Variants in SRRM4 observed in about 807,000 individuals in gnomAD.
SRRM4 encodes serine/arginine repetitive matrix 4.
A neutral mutation model predicts 68.9 loss-of-function variants in SRRM4; 33 were observed. That is an observed-to-expected ratio of 0.48 (90% CI 0.36 to 0.64). SRRM4 has a LOEUF of 0.64. Among genes scored for constraint, SRRM4 ranks in the 30% least tolerant of loss-of-function variants. The pLI is 0.00. For synonymous variants in SRRM4, 318 were observed against 318.8 expected (o/e 1.00, Z 0.03); for missense variants, 817 against 827.1 (o/e 0.99, Z 0.15).
chr12:119,057,374 T>C (rs1953783362), intron 1 of SRRM4, among the ~76,000 whole-genome samples: 1 of 152,048 alleles, frequency 6.6e-6, no homozygotes, highest in South Asian at 2.1e-4. Context: ...GGCCCCACCA[T>C]GTGTTGTTCC....
chr12:119,049,591 A>G (rs1953728436), intron 1 of SRRM4, among the ~76,000 whole-genome samples: 1 of 152,190 alleles, frequency 6.6e-6, no homozygotes, highest in Admixed American at 6.5e-5. Context: ...ATTTAATGAG[A>G]TAATGCATGT....
intron 1 of SRRM4, among the ~76,000 whole-genome samples, chr12:119,017,568 T>G (rs1047873144): frequency 6.6e-6 from 1 of 151,218 alleles, no homozygotes; most frequent in Admixed American, 6.6e-5. Flanking sequence ...GTGGCAGGAG[T>G]GGGAGCAGGG....
At chr12:119,147,065 T>C (rs112169528) in intron 9 of SRRM4, among the ~76,000 whole-genome samples, 2,457 of 152,284 alleles carry the variant, frequency 0.016, 76 homozygotes, top group African/African-American at 0.056. Context: ...AACCAGAATA[T>C]CCTTCAGTAC....
chr12:119,148,845 C>T (rs1020154408), intron 9 of SRRM4, among the ~76,000 whole-genome samples: 9 of 152,138 alleles, frequency 5.9e-5, no homozygotes, highest in Non-Finnish European at 1.0e-4. Context: ...TTATGTCATG[C>T]CACTTATGAG....
intron 1 of SRRM4, among the ~76,000 whole-genome samples, chr12:119,010,669 G>A (rs1195175729): frequency 6.6e-6 from 1 of 152,156 alleles, no homozygotes; most frequent in African/African-American, 2.4e-5. Context: ...TAAAAAATCT[G>A]CCTACTCCAT....
At chr12:119,145,206 C>G (rs1367514410) in intron 8 of SRRM4, among the ~76,000 whole-genome samples, 175 bp from the exon 9 acceptor site, 6 of 152,108 alleles carry the variant, frequency 3.9e-5, no homozygotes, top group Non-Finnish European at 2.9e-5. Context: ...AATCTCCTTT[C>G]TGTGGTATTC....
In SRRM4 at chr12:119,101,830, G is replaced by A. The variant is rs1565908299; in HGVS notation, c.132-406G>A. 2.6e-5 allele frequency among the ~76,000 whole-genome samples: 4 copies of A among 152,240 alleles called. No individual in the cohort carries two copies. In the East Asian group the frequency reaches 7.8e-4, roughly 30 times the overall value. ...AAAAGAAATGAAATGCTGGTTTCCA[G>A]CATCTCTCTGTGATCTAGTCCAAAT... On this transcript the variant is annotated intron_variant, in intron 1 of 12. Transcript: ENST00000267260.
chr12:119,080,835 T>G (rs1953943437), intron 1 of SRRM4, among the ~76,000 whole-genome samples: 3 of 152,188 alleles, frequency 2.0e-5, no homozygotes. Flanking sequence ...CAATCTCTCT[T>G]TTTTCAAGAG....
In SRRM4 at chr12:119,081,766, G is replaced by A. The variant is rs149703064; in HGVS notation, c.132-20470G>A. ...GGACCAGGGCGCTAGCCATGTACAT[G>A]AGAGAAGTGATTGGATTCTGAATGT... On this transcript the variant is annotated intron_variant, in intron 1 of 12. Transcript: ENST00000267260. Among the ~76,000 whole-genome samples, 100 of 152,330 alleles carry A rather than the reference G, an allele frequency of 6.6e-4. 1 individual carries two copies. The East Asian group carries it at 6.8e-3, about 10-fold the overall frequency.
At chr12:119,119,696 G>T (rs1386029792) in intron 4 of SRRM4, among the ~76,000 whole-genome samples, 1 of 152,112 alleles carries the variant, frequency 6.6e-6, no homozygotes, top group Non-Finnish European at 1.5e-5. Flanking sequence ...TACAGAACCT[G>T]GCACACAGTA....
intron 1 of SRRM4, among the ~76,000 whole-genome samples, chr12:119,046,550 G>A (rs1399064672): frequency 2.6e-5 from 4 of 152,056 alleles, no homozygotes; most frequent in Non-Finnish European, 1.5e-5. Context: ...ATGATTCACA[G>A]TTCAACATCA....
Position 119,114,282 on chromosome 12 carries a change from T to A in SRRM4, c.283T>A (p.Ser95Thr). The change falls in exon 3 of 13, where the codon TCT becomes ACT. Residue 95 changes from serine to threonine, a missense_variant. Coordinates refer to ENST00000267260, the MANE Select transcript of SRRM4 (RefSeq NM_194286.4). The stretch of plus-strand genomic sequence containing the variant: ...TCCTCTCTTTGCTCCTCACAGTGCC[T>A]CTCATGACAAAGACTTGACACCACC... The part of the protein sequence containing the change: ...ELGATRGHSA[S>T]HDKDLTPPPS... 1 of 1,612,050 alleles carries A rather than the reference T, an allele frequency of 6.2e-7. No homozygotes were observed. The highest frequency in any genetic ancestry group is 8.5e-7 in the Non-Finnish European group (1 of 1,179,072).
Position 119,085,443 on chromosome 12 carries a change from G to A in SRRM4, c.132-16793G>A, listed in dbSNP as rs1953974484. 2.0e-5 allele frequency among the ~76,000 whole-genome samples: 3 copies of A among 152,334 alleles called. No homozygotes were observed. The South Asian group carries it at 6.2e-4, about 32-fold the overall frequency. On this transcript the variant is annotated intron_variant, in intron 1 of 12. Transcript: ENST00000267260. ...TCCAGGCCATGCCCTTGAGTTTCAT[G>A]TTCTGCTGCATCTAGCAGAAAGAAC...
intron 1 of SRRM4, among the ~76,000 whole-genome samples, chr12:118,991,548 T>C (rs1245794742): frequency 6.6e-6 from 1 of 152,246 alleles, no homozygotes; most frequent in Admixed American, 6.5e-5. Context: ...ACTGTGACTA[T>C]GAGCTCCTTG....
At chr12:119,023,276 C>T (rs1953527377) in intron 1 of SRRM4, among the ~76,000 whole-genome samples, 1 of 152,134 alleles carries the variant, frequency 6.6e-6, no homozygotes, top group African/African-American at 2.4e-5. Context: ...ATGAACTAAT[C>T]CCTGGGTCAC....
intron 1 of SRRM4, among the ~76,000 whole-genome samples, chr12:119,095,669 T>C (rs1954039766): frequency 6.6e-6 from 1 of 152,098 alleles, no homozygotes; most frequent in Non-Finnish European, 1.5e-5. Flanking sequence ...GAATATAAGA[T>C]TCAGGCCAAA....
At chr12:119,104,165 C>T (rs911945116) in intron 2 of SRRM4, among the ~76,000 whole-genome samples, 2 of 152,034 alleles carry the variant, frequency 1.3e-5, no homozygotes, top group Non-Finnish European at 2.9e-5. Flanking sequence ...TTCTCAAGGT[C>T]AGGATGAGGA....
Position 119,154,266 on chromosome 12 carries a change from A to G in SRRM4, c.1415A>G (p.Glu472Gly). ...AGGGAGCGGGATCCCAAATACAGTG[A>G]GAAGGACTCGCAGCAGCGGGAGCGC... ...PSRERDPKYS[E>G]KDSQQRERER... The change falls in exon 12 of 13, where the codon GAG becomes GGG. Residue 472 changes from glutamate (E) to glycine (G), a missense_variant. Transcript: ENST00000267260. The surrounding 1 kb of genome is among the most constrained non-coding windows in gnomAD (Gnocchi z 4.7). The G allele has an allele frequency of 6.2e-7, 1 of 1,609,096 alleles. No homozygotes were observed. Among genetic ancestry groups the G allele is most frequent in the East Asian group, 2.2e-5 (1 of 44,654 alleles).
intron 1 of SRRM4, among the ~76,000 whole-genome samples, chr12:119,032,653 T>A (rs1200383383): frequency 6.6e-6 from 1 of 152,228 alleles, no homozygotes; most frequent in East Asian, 1.9e-4. Context: ...GTTATGCTAA[T>A]CTCAAATACT....
Sources: gnomAD v4.1 joint callset for allele counts (sites outside exome capture counted in the v4.1 genomes callset) on GRCh38, gnomAD v4.1.1 for gene constraint, Gnocchi (gnomAD v3.1) non-coding constraint, MANE v1.5 for transcripts, NCBI Gene and HGNC (gene_info 2026-07-23, HGNC 2026-07-21) for gene names.